The following LTBP1 variants were observed in gnomAD, a reference collection of about 807,000 sequenced individuals.
LTBP1 encodes the protein latent transforming growth factor beta binding protein 1.
Under a neutral mutation model 207.6 loss-of-function variants are expected in LTBP1, and 129 were observed. The ratio of observed to expected loss-of-function variants is 0.62; its 90% CI spans 0.54 to 0.72. The LOEUF (loss-of-function observed/expected upper bound fraction) is 0.72. LTBP1 is among the 30% of genes least tolerant of loss of function. The pLI, the probability that LTBP1 is intolerant of heterozygous loss-of-function variation, is 0.00. For missense variants in LTBP1, 2,281 were observed against 2,217.2 expected, an observed-to-expected ratio of 1.03 and a Z score of -0.58; for synonymous variants, 963 against 833.7, an observed-to-expected ratio of 1.16 and a Z score of -2.67.
chr2:33,035,699 T>C (rs1479410517), intron 3 of LTBP1, among the ~76,000 whole-genome samples: 2 of 152,258 alleles, frequency 1.3e-5, no homozygotes, highest in Non-Finnish European at 2.9e-5. Context: ...GTAGGCCGTT[T>C]GTTAGAATTG....
At chr2:33,139,732 C>G (rs1194753600) in intron 5 of LTBP1, among the ~76,000 whole-genome samples, 1 of 152,040 alleles carries the variant, frequency 6.6e-6, no homozygotes, top group African/African-American at 2.4e-5. Flanking sequence ...AAGAGAGAAG[C>G]AAAGTTGACA....
chr2:33,392,914 C>T (rs990355745), intron 32 of LTBP1, among the ~76,000 whole-genome samples: 2 of 151,074 alleles, frequency 1.3e-5, no homozygotes, highest in Non-Finnish European at 2.9e-5. Flanking sequence ...CACTATATTG[C>T]CCAGGCTGGT....
intron 3 of LTBP1, among the ~76,000 whole-genome samples, chr2:33,053,447 A>G (rs1234036544): frequency 6.6e-6 from 1 of 152,034 alleles, no homozygotes; most frequent in Non-Finnish European, 1.5e-5. Context: ...TCATTATAGT[A>G]TCATAATGAG....
chr2:33,027,998 G>A (rs1012067366), intron 3 of LTBP1, among the ~76,000 whole-genome samples: 1 of 152,172 alleles, frequency 6.6e-6, no homozygotes, highest in African/African-American at 2.4e-5. Context: ...TTTGTTGTTT[G>A]AGAAAAACAG....
At chr2:33,156,090 A>T (rs907912316) in intron 5 of LTBP1, among the ~76,000 whole-genome samples, 1 of 152,212 alleles carries the variant, frequency 6.6e-6, no homozygotes, top group Non-Finnish European at 1.5e-5. Context: ...TACCTTGCAC[A>T]TATTATATCT....
At chr2:33,343,545 G>C (rs1185182137) in intron 25 of LTBP1, among the ~76,000 whole-genome samples, 1 of 152,038 alleles carries the variant, frequency 6.6e-6, no homozygotes, top group Non-Finnish European at 1.5e-5. Flanking sequence ...CAGAACTCTA[G>C]ACTCCCTTCA....
chr2:33,310,351 A>G (rs535261039), intron 23 of LTBP1, among the ~76,000 whole-genome samples: 1 of 152,314 alleles, frequency 6.6e-6, no homozygotes, highest in East Asian at 1.9e-4. Context: ...TTAATCTTCC[A>G]AACTGTACAG....
intron 3 of LTBP1, among the ~76,000 whole-genome samples, chr2:33,028,203 G>A (rs547780307): frequency 4.6e-5 from 7 of 152,288 alleles, no homozygotes; most frequent in Admixed American, 3.3e-4. Flanking sequence ...GAAACTCAAA[G>A]TTTGTATCTA....
At chr2:33,111,441 A>C (rs753718684) in intron 4 of LTBP1, among the ~76,000 whole-genome samples, 7 of 152,224 alleles carry the variant, frequency 4.6e-5, no homozygotes, top group Non-Finnish European at 1.0e-4. Flanking sequence ...CTCTCGTTCC[A>C]GCAGCTTCCT....
At chr2:33,359,724 A>T (rs764567661) in intron 26 of LTBP1, among the ~76,000 whole-genome samples, 1 of 152,264 alleles carries the variant, frequency 6.6e-6, no homozygotes, top group Non-Finnish European at 1.5e-5. Flanking sequence ...ACTCCATAGT[A>T]TACAGGAGAG....
intron 2 of LTBP1, among the ~76,000 whole-genome samples, chr2:32,982,528 G>C (rs1327620042): frequency 3.3e-5 from 5 of 152,114 alleles, no homozygotes; most frequent in African/African-American, 9.7e-5. Flanking sequence ...CAAGACAGTG[G>C]GGAAAATGTC....
intron 32 of LTBP1, 106 bp downstream of exon 32, chr2:33,389,412 C>G (rs2095296140): frequency 3.5e-6 from 5 of 1,438,080 alleles, no homozygotes; most frequent in South Asian, 1.3e-5. Context: ...ATTTCTGGTC[C>G]CACCCCAGAC....
intron 20 of LTBP1, among the ~76,000 whole-genome samples, chr2:33,295,489 T>A (rs1044623142): frequency 2.6e-5 from 4 of 152,024 alleles, no homozygotes; most frequent in Non-Finnish European, 4.4e-5. Context: ...ATCGTGCCAC[T>A]GCACACCAGC....
intron 7 of LTBP1, among the ~76,000 whole-genome samples, chr2:33,199,450 A>C (rs1158529083): frequency 5.3e-5 from 8 of 152,188 alleles, no homozygotes; most frequent in Non-Finnish European, 1.0e-4. Flanking sequence ...ACTCTCAATA[A>C]ATTAGGTATT....
At position 33,316,404 on chromosome 2, in the gene LTBP1, C is replaced by G. The variant is rs192341981; in HGVS notation, c.3730+1135C>G. ...CTCCTTGCTAGTACCAGAATGGAAC[C>G]AAGCCGTGTGCCAGCAACCAGGTTC... On this transcript the variant is annotated intron_variant, in intron 24 of 33. Transcript: ENST00000404816. Among the ~76,000 whole-genome samples the G allele has an allele frequency of 1.8e-4, 28 of 152,296 alleles. 1 individual carries two copies. The highest frequency in any genetic ancestry group is 6.2e-4 in the South Asian group (3 of 4,824).
At chr2:32,995,363 G>C (rs1685094146) in intron 2 of LTBP1, among the ~76,000 whole-genome samples, 1 of 152,158 alleles carries the variant, frequency 6.6e-6, no homozygotes, top group Admixed American at 6.5e-5. Context: ...CTTAGAGTCT[G>C]CATTTCTCAC....
At chr2:33,310,547 C>T (rs72799739) in intron 23 of LTBP1, among the ~76,000 whole-genome samples, 11,857 of 152,188 alleles carry the variant, frequency 0.078, 736 homozygotes, top group Non-Finnish European at 0.12. Context: ...GTAACTGAGG[C>T]TCCGAGAAGT....
rs148791089 is a variant in LTBP1 at position 33,111,811 on chromosome 2, G to A, written c.1033+1060G>A. Among the ~76,000 whole-genome samples the A allele has an allele frequency of 1.1e-3, 175 of 152,262 alleles. 1 individual carries two copies. In the East Asian group the frequency reaches 0.013, roughly 11 times the overall value. On this transcript the variant is annotated intron_variant, in intron 4 of 33. Transcript: ENST00000404816. The stretch of plus-strand genomic sequence containing the variant: ...ACAATAGTTTGGTATGGTTTATTGG[G>A]ATGTTGAGGAAAGTGAGCCCTGGGG...
intron 8 of LTBP1, among the ~76,000 whole-genome samples, chr2:33,219,435 G>A (rs2090945310): frequency 6.6e-6 from 1 of 152,190 alleles, no homozygotes; most frequent in Admixed American, 6.5e-5. Flanking sequence ...AGTGTTTGAA[G>A]TTAGGTAGCC....
Sources: allele counts gnomAD v4.1 joint callset (sites outside exome capture counted in the v4.1 genomes callset), GRCh38; gene constraint gnomAD v4.1.1; transcripts MANE v1.5; gene names NCBI Gene and HGNC (gene_info 2026-07-23, HGNC 2026-07-21).